Variants in SYNDIG1 observed in about 807,000 individuals in gnomAD.
SYNDIG1 encodes synapse differentiation-inducing gene protein 1.
Under a neutral mutation model 19.4 loss-of-function variants are expected in SYNDIG1, and 9 were observed. The ratio of observed to expected loss-of-function variants is 0.46; its 90% CI spans 0.28 to 0.81. SYNDIG1 has a LOEUF of 0.81. Ranked by LOEUF, SYNDIG1 falls within the 30% of genes least tolerant of loss-of-function variation. SYNDIG1 has a pLI of 0.12. For synonymous variants in SYNDIG1, 141 were observed against 145.9 expected, an observed-to-expected ratio of 0.97 and a Z score of 0.24; for missense variants, 311 against 343.3, an observed-to-expected ratio of 0.91 and a Z score of 0.74.
At chr20:24,630,864 C>T (rs567302047) in intron 3 of SYNDIG1, among the ~76,000 whole-genome samples, 1 of 152,204 alleles carries the variant, frequency 6.6e-6, no homozygotes, top group Non-Finnish European at 1.5e-5. Flanking sequence ...GGTGGTGAGA[C>T]TAATACCGAA....
At chr20:24,577,845 G>T (rs995720918) in intron 2 of SYNDIG1, among the ~76,000 whole-genome samples, 1 of 152,212 alleles carries the variant, frequency 6.6e-6, no homozygotes, top group Non-Finnish European at 1.5e-5. Context: ...GGAGAGCATA[G>T]GAAGGCATTT....
At chr20:24,537,156 C>T (rs2057378236) in intron 1 of SYNDIG1, among the ~76,000 whole-genome samples, 1 of 152,212 alleles carries the variant, frequency 6.6e-6, no homozygotes, top group African/African-American at 2.4e-5. Context: ...CAGCCTCCTC[C>T]TCTGCTTCCT....
rs1039984311 is a variant in SYNDIG1, at chr20:24,483,549, G to A, written c.-79+13796G>A. Among the ~76,000 whole-genome samples the A allele has an allele frequency of 2.6e-5, 4 of 152,256 alleles. No individual in the cohort carries two copies. In the South Asian group the frequency reaches 8.3e-4, roughly 32 times the overall value. Reference sequence around the variant, plus strand: ...TTTGCTCTTCCTGTACTTCCCCTGGGCACCTCCCTGCCCCTTGAAAGAGCG... The same window carrying A: ...TTTGCTCTTCCTGTACTTCCCCTGGACACCTCCCTGCCCCTTGAAAGAGCG... On this transcript the variant is annotated intron_variant, in intron 1 of 3. Transcript: ENST00000376862.
At chr20:24,612,003 A>T (rs953451865) in intron 3 of SYNDIG1, among the ~76,000 whole-genome samples, 2 of 152,234 alleles carry the variant, frequency 1.3e-5, no homozygotes, top group African/African-American at 4.8e-5. Flanking sequence ...AGCTGTGCTG[A>T]CAGGGACACA....
rs1433927317 is a variant in SYNDIG1, at chr20:24,658,531, C to A, written c.619-6815C>A. Reference sequence around the variant, plus strand: ...GCAGGTTTCGAGGGGCTTCCCCCTCCCACGGTCACCCCTGTGTCCTTCATC... The same window carrying A: ...GCAGGTTTCGAGGGGCTTCCCCCTCACACGGTCACCCCTGTGTCCTTCATC... On this transcript the variant is annotated intron_variant, in intron 3 of 3. Coordinates refer to ENST00000376862, the MANE Select transcript of SYNDIG1 (RefSeq NM_024893.3). The surrounding 1 kb of genome is among the most constrained non-coding windows in gnomAD (Gnocchi z 4.4). 6.6e-6 allele frequency among the ~76,000 whole-genome samples: 1 copy of A among 152,124 alleles called. No homozygotes were observed. Among genetic ancestry groups the A allele is most frequent in the Non-Finnish European group, 1.5e-5 (1 of 68,014 alleles).
At position 24,626,003 on chromosome 20, in the gene SYNDIG1, C is replaced by A. The variant is rs1600778370; in HGVS notation, c.619-39343C>A. On this transcript the variant is annotated intron_variant, in intron 3 of 3. Coordinates refer to ENST00000376862, the MANE Select transcript of SYNDIG1 (RefSeq NM_024893.3). ...TGGCCAGGCGGGGGGCTGGCCCCCC[C>A]ACCTCCCTCCCGGACGGGGTGGCTG... Among the ~76,000 whole-genome samples, 4 of 149,690 alleles carry A rather than the reference C, an allele frequency of 2.7e-5. No individual in the cohort carries two copies. The South Asian group carries it at 8.4e-4, about 32-fold the overall frequency.
chr20:24,574,726 G>T (rs2058199785), intron 2 of SYNDIG1, among the ~76,000 whole-genome samples: 2 of 152,128 alleles, frequency 1.3e-5, no homozygotes, highest in Non-Finnish European at 2.9e-5. Context: ...CTAATATAAT[G>T]ATATGTCTTA....
At chr20:24,536,586 G>A (rs138624527) in intron 1 of SYNDIG1, among the ~76,000 whole-genome samples, 6 of 152,126 alleles carry the variant, frequency 3.9e-5, no homozygotes, top group South Asian at 2.1e-4. Flanking sequence ...AATATCCTCC[G>A]GGTTACGCCT....
chr20:24,572,318 G>C (rs2058156860), intron 2 of SYNDIG1, among the ~76,000 whole-genome samples: 1 of 152,244 alleles, frequency 6.6e-6, no homozygotes, highest in Non-Finnish European at 1.5e-5. Flanking sequence ...CTGGCGTGAG[G>C]GGATGTGGCC....
At chr20:24,536,540 C>G (rs1453534784) in intron 1 of SYNDIG1, among the ~76,000 whole-genome samples, 1 of 152,152 alleles carries the variant, frequency 6.6e-6, no homozygotes, top group African/African-American at 2.4e-5. Context: ...GGCCCCATAG[C>G]CACCTCTGTG....
chr20:24,533,412 C>G (rs1453911547), intron 1 of SYNDIG1, among the ~76,000 whole-genome samples: 1 of 152,140 alleles, frequency 6.6e-6, no homozygotes, highest in Non-Finnish European at 1.5e-5. Context: ...TGTGGGTTTA[C>G]AGACATACAA....
chr20:24,607,356 G>A (rs1481841061), intron 3 of SYNDIG1, among the ~76,000 whole-genome samples: 16 of 115,166 alleles, frequency 1.4e-4, no homozygotes, highest in African/African-American at 3.9e-4. Flanking sequence ...GCAAGACTCC[G>A]TCTCAAAAAA....
intron 3 of SYNDIG1, among the ~76,000 whole-genome samples, chr20:24,656,548 G>A (rs1014257823): frequency 2.0e-5 from 3 of 152,206 alleles, no homozygotes; most frequent in Non-Finnish European, 4.4e-5. Context: ...CTGGAGGAAG[G>A]TGAAGCACCG....
At chr20:24,663,874 A>G (rs1017443575) in intron 3 of SYNDIG1, among the ~76,000 whole-genome samples, 1 of 152,180 alleles carries the variant, frequency 6.6e-6, no homozygotes, top group Admixed American at 6.5e-5. Flanking sequence ...AGCGCTAAGG[A>G]AAGGCAATTA....
intron 3 of SYNDIG1, among the ~76,000 whole-genome samples, chr20:24,657,979 A>G (rs1003093896): frequency 6.6e-6 from 1 of 152,152 alleles, no homozygotes; most frequent in Non-Finnish European, 1.5e-5. Context: ...CCTGTCCCAG[A>G]TCTCGGGAGG....
At chr20:24,575,154 T>G (rs1452244825) in intron 2 of SYNDIG1, among the ~76,000 whole-genome samples, 1 of 152,172 alleles carries the variant, frequency 6.6e-6, no homozygotes, top group East Asian at 1.9e-4. Context: ...CAGGACCCCA[T>G]CCCTGCCTCA....
At chr20:24,574,116 C>A (rs1164499650) in intron 2 of SYNDIG1, among the ~76,000 whole-genome samples, 2 of 152,122 alleles carry the variant, frequency 1.3e-5, no homozygotes, top group Non-Finnish European at 2.9e-5. Context: ...GCTGAGATCA[C>A]CTCCCAAAAA....
intron 2 of SYNDIG1, among the ~76,000 whole-genome samples, chr20:24,561,579 C>G (rs2057946820): frequency 6.6e-6 from 1 of 152,170 alleles, no homozygotes; most frequent in South Asian, 2.1e-4. Flanking sequence ...ACCACAGACT[C>G]CCACTGTTAC....
chr20:24,529,035 A>G lies in SYNDIG1; in HGVS notation c.-78-13985A>G, dbSNP rs147350088. Among the ~76,000 whole-genome samples, 448 of 152,280 alleles carry G rather than the reference A, an allele frequency of 2.9e-3. 2 individuals are homozygous for G. Among genetic ancestry groups the G allele is most frequent in the African/African-American group, 0.01 (423 of 41,568 alleles). ...ATGAAGCCCCTCTGGCCCTCCTCCA[A>G]AGGAAAAAAAAACAGTTTTACCCAA... On this transcript the variant is annotated intron_variant, in intron 1 of 3. Transcript: ENST00000376862.
Sources: allele counts gnomAD v4.1 joint callset (sites outside exome capture counted in the v4.1 genomes callset), GRCh38; gene constraint gnomAD v4.1.1; non-coding constraint Gnocchi (gnomAD v3.1); transcripts MANE v1.5; gene names NCBI Gene and HGNC (gene_info 2026-07-23, HGNC 2026-07-21).